The following SPIDR variants were observed in gnomAD, a reference collection of about 807,000 sequenced individuals.
The protein encoded by SPIDR is scaffold protein involved in DNA repair, also known as DNA repair-scaffolding protein.
In SPIDR, 93 loss-of-function variants were observed where a neutral mutation model predicts 104.6. The observed-to-expected ratio is 0.89, with a 90% confidence interval of 0.75 to 1.06. The LOEUF is 1.06. Among genes scored for constraint, SPIDR ranks in the 50% least tolerant of loss-of-function variants. The pLI, the probability that SPIDR is intolerant of heterozygous loss-of-function variation, is 0.00. For synonymous variants in SPIDR, 431 were observed against 416.9 expected (o/e 1.03, Z -0.41); for missense variants, 1,154 against 1,111.2 (o/e 1.04, Z -0.55).
chr8:47,462,565 C>T lies in SPIDR; in HGVS notation c.1097+22023C>T, dbSNP rs559560586. Among the ~76,000 whole-genome samples the T allele has an allele frequency of 2.6e-5, 4 of 152,100 alleles. No homozygotes were observed. The South Asian group carries it at 8.3e-4, about 32-fold the overall frequency. ...TAATGTACTAAAACTTACGGGATGA[C>T]ATGAAAGCATTATGAAGTTGGAAAT... On this transcript the variant is annotated intron_variant, in intron 8 of 19. Coordinates refer to ENST00000297423, the MANE Select transcript of SPIDR (RefSeq NM_001080394.4).
chr8:47,351,561 C>T (rs1279132995), intron 5 of SPIDR, among the ~76,000 whole-genome samples: 1 of 152,100 alleles, frequency 6.6e-6, no homozygotes, highest in African/African-American at 2.4e-5. Flanking sequence ...ACAAGTTAAA[C>T]AAAATGATGT....
intron 10 of SPIDR, among the ~76,000 whole-genome samples, chr8:47,615,472 CTTTT>C (rs11345219): frequency 8.3e-4 from 91 of 110,014 alleles, no homozygotes; most frequent in African/African-American, 2.9e-3. Context: ...CGAAAATAGC[CTTTT>C]TTTTTTTTTT....
At chr8:47,446,935 C>T (rs2070753874) in intron 8 of SPIDR, among the ~76,000 whole-genome samples, 1 of 152,124 alleles carries the variant, frequency 6.6e-6, no homozygotes, top group African/African-American at 2.4e-5. Context: ...TGAAAGGACT[C>T]ACCATTCTAC....
chr8:47,665,296 A>C (rs1434553211), intron 10 of SPIDR, among the ~76,000 whole-genome samples: 1 of 152,218 alleles, frequency 6.6e-6, no homozygotes. Context: ...ATATATCTTC[A>C]AAATGCTGAA....
chr8:47,687,351 C>T (rs1563544877), intron 11 of SPIDR, among the ~76,000 whole-genome samples: 1 of 152,200 alleles, frequency 6.6e-6, no homozygotes, highest in Non-Finnish European at 1.5e-5. Flanking sequence ...TCTTTCTCCA[C>T]GAATGTAGAC....
At chr8:47,328,838 C>A (rs1033442117) in intron 5 of SPIDR, among the ~76,000 whole-genome samples, 1 of 151,632 alleles carries the variant, frequency 6.6e-6, no homozygotes, top group African/African-American at 2.4e-5. Flanking sequence ...TCAAGTCTTT[C>A]CTCATTTCTT....
intron 8 of SPIDR, among the ~76,000 whole-genome samples, chr8:47,546,614 A>G (rs746171512): frequency 1.5e-4 from 23 of 151,976 alleles, no homozygotes; most frequent in Non-Finnish European, 3.1e-4. Context: ...GCTCTAATCT[A>G]TTATTTCCTT....
chr8:47,457,112 G>T (rs1360348145), intron 8 of SPIDR, among the ~76,000 whole-genome samples: 1 of 152,058 alleles, frequency 6.6e-6, no homozygotes, highest in Non-Finnish European at 1.5e-5. Flanking sequence ...TTTCCTCTGG[G>T]TCAATACCCA....
At chr8:47,297,848 A>G (rs1398351514) in intron 5 of SPIDR, among the ~76,000 whole-genome samples, 8 of 152,268 alleles carry the variant, frequency 5.3e-5, no homozygotes, top group South Asian at 2.1e-4. Context: ...TTCTTAATCC[A>G]GTCTATCATT....
At chr8:47,476,286 G>T (rs1277052988) in intron 8 of SPIDR, among the ~76,000 whole-genome samples, 1 of 152,160 alleles carries the variant, frequency 6.6e-6, no homozygotes, top group Non-Finnish European at 1.5e-5. Context: ...TGGCATTGGA[G>T]TGATGGCTCT....
intron 10 of SPIDR, among the ~76,000 whole-genome samples, chr8:47,661,213 G>A (rs1372786539): frequency 6.6e-6 from 1 of 152,188 alleles, no homozygotes; most frequent in African/African-American, 2.4e-5. Context: ...CAGTGCAGTT[G>A]TGAGACTCTC....
intron 5 of SPIDR, among the ~76,000 whole-genome samples, chr8:47,343,364 G>C (rs1485977828): frequency 2.6e-5 from 4 of 152,138 alleles, no homozygotes; most frequent in East Asian, 1.9e-4. Context: ...AGGTTGACAT[G>C]TGCTAGATAC....
intron 10 of SPIDR, among the ~76,000 whole-genome samples, chr8:47,616,899 G>A (rs564177451): frequency 4.6e-5 from 7 of 152,190 alleles, no homozygotes; most frequent in African/African-American, 1.7e-4. Flanking sequence ...CACCCCATTC[G>A]TGATAGCACA....
intron 10 of SPIDR, among the ~76,000 whole-genome samples, chr8:47,670,043 C>A (rs1367892842): frequency 6.6e-6 from 1 of 152,018 alleles, no homozygotes; most frequent in African/African-American, 2.4e-5. Flanking sequence ...AAAGCAAAGT[C>A]TTGGGGGTAT....
intron 8 of SPIDR, among the ~76,000 whole-genome samples, chr8:47,464,163 G>A (rs921856989): frequency 4.7e-5 from 7 of 150,014 alleles, no homozygotes; most frequent in South Asian, 2.1e-4. Context: ...CACAGAGCAC[G>A]TTAGTAAATT....
intron 10 of SPIDR, among the ~76,000 whole-genome samples, chr8:47,647,529 C>T (rs182205667): frequency 2.2e-3 from 327 of 151,772 alleles, no homozygotes; most frequent in Non-Finnish European, 1.8e-3. Flanking sequence ...GCAGGAGAAT[C>T]GCTTGAACTC....
At chr8:47,522,504 T>C (rs1351632310) in intron 8 of SPIDR, among the ~76,000 whole-genome samples, 1 of 152,120 alleles carries the variant, frequency 6.6e-6, no homozygotes, top group Non-Finnish European at 1.5e-5. Context: ...GCCTGTGAGC[T>C]CAGAGGGAAA....
At chr8:47,440,598 A>G in intron 8 of SPIDR, 56 bp downstream of exon 8, 2 of 1,533,424 alleles carry the variant, frequency 1.3e-6, no homozygotes, top group Non-Finnish European at 1.8e-6. Flanking sequence ...CCTCGTAAGA[A>G]AAGACATTTT....
chr8:47,616,038 A>G (rs1387129302), intron 10 of SPIDR, among the ~76,000 whole-genome samples: 1 of 152,154 alleles, frequency 6.6e-6, no homozygotes, highest in Non-Finnish European at 1.5e-5. Flanking sequence ...GTATCCTGCA[A>G]CTTTGCTGAA....
Sources: allele counts gnomAD v4.1 joint callset (sites outside exome capture counted in the v4.1 genomes callset), GRCh38; gene constraint gnomAD v4.1.1; transcripts MANE v1.5; gene names NCBI Gene and HGNC (gene_info 2026-07-23, HGNC 2026-07-21).